Variants in RBFOX1 observed in about 807,000 individuals in gnomAD.
RBFOX1 encodes the protein RNA binding fox-1 homolog 1.
RBFOX1 carries 8 observed loss-of-function variants against 57.7 expected under a neutral mutation model. That is an observed-to-expected ratio of 0.14 (90% confidence interval 0.08 to 0.25). RBFOX1 has a LOEUF of 0.25. RBFOX1 is among the 10% of genes least tolerant of loss of function. The pLI is 1.00. For synonymous variants in RBFOX1, 326 were observed against 222.4 expected, an observed-to-expected ratio of 1.47 and a Z score of -4.15; for missense variants, 611 against 548.5, an observed-to-expected ratio of 1.11 and a Z score of -1.14.
At chr16:6,216,720 TTTTG>T (rs746631288) in intron 1 of RBFOX1, among the ~76,000 whole-genome samples, 1 of 152,214 alleles carries the variant, frequency 6.6e-6, no homozygotes, top group South Asian at 2.1e-4. Flanking sequence ...CTGATCCCAC[TTTTG>T]TTTGTCTCTT....
At chr16:7,323,203 C>T (rs192242432) in intron 4 of RBFOX1, among the ~76,000 whole-genome samples, 1 of 152,228 alleles carries the variant, frequency 6.6e-6, no homozygotes, top group Admixed American at 6.5e-5. Context: ...TTGGGAGGAT[C>T]ACTTGATCCC....
At chr16:7,213,246 C>G (rs967746826) in intron 4 of RBFOX1, among the ~76,000 whole-genome samples, 12 of 152,204 alleles carry the variant, frequency 7.9e-5, no homozygotes, top group Admixed American at 7.2e-4. Flanking sequence ...AGTTTTTCCC[C>G]CTTTATCAGT....
chr16:6,766,788 C>A (rs181466321), intron 3 of RBFOX1, among the ~76,000 whole-genome samples: 14 of 152,134 alleles, frequency 9.2e-5, no homozygotes, highest in Admixed American at 7.9e-4. Flanking sequence ...TTCATATGGG[C>A]TTCCGTTAGT....
At chr16:7,098,430 A>G (rs1179598045) in intron 4 of RBFOX1, among the ~76,000 whole-genome samples, 3 of 152,126 alleles carry the variant, frequency 2.0e-5, no homozygotes, top group Non-Finnish European at 2.9e-5. Context: ...TAGGCCTCCC[A>G]AAGTGCTGAG....
rs763479891 is a variant in RBFOX1, at chr16:5,834,730, G to GATACATACATAC, written c.319-32546_319-32535dup. On this transcript the variant is annotated intron_variant, in intron 3 of 19. Transcript: ENST00000641259. ...AGATAGATAGATACATAGATACATA[G>GATACATACATAC]ATACATACATACATACATACATACA... 3.3e-4 allele frequency among the ~76,000 whole-genome samples: 48 copies of GATACATACATAC among 146,412 alleles called. 1 individual carries two copies. Among genetic ancestry groups the GATACATACATAC allele is most frequent in the South Asian group, 1.3e-3 (6 of 4,602 alleles).
At chr16:5,317,910 A>G (rs1191562534) in intron 1 of RBFOX1, among the ~76,000 whole-genome samples, 1 of 152,082 alleles carries the variant, frequency 6.6e-6, no homozygotes, top group Non-Finnish European at 1.5e-5. Context: ...GAAACTCTAT[A>G]TCCTAAGCAA....
intron 1 of RBFOX1, among the ~76,000 whole-genome samples, chr16:6,143,864 C>T (rs2096737424): frequency 6.6e-6 from 1 of 151,938 alleles, no homozygotes; most frequent in African/African-American, 2.4e-5. Context: ...GGTGCATTCA[C>T]TGCTCACTGC....
chr16:7,232,667 C>T (rs1266469798), intron 4 of RBFOX1, among the ~76,000 whole-genome samples: 2 of 151,928 alleles, frequency 1.3e-5, no homozygotes, highest in African/African-American at 4.8e-5. Context: ...CATGGAGAAA[C>T]CCTGTCTCTA....
At chr16:7,548,967 C>T (rs1483693456) in intron 5 of RBFOX1, among the ~76,000 whole-genome samples, 1 of 152,196 alleles carries the variant, frequency 6.6e-6, no homozygotes, top group Non-Finnish European at 1.5e-5. Context: ...CATCCCAGAG[C>T]TCACATTCCA....
chr16:6,377,466 C>A, intron 2 of RBFOX1, among the ~76,000 whole-genome samples: 1 of 152,102 alleles, frequency 6.6e-6, no homozygotes, highest in Admixed American at 6.6e-5. Context: ...AGGCAGTACA[C>A]ATTTATTGAA....
At chr16:7,221,598 C>T (rs1191300270) in intron 4 of RBFOX1, among the ~76,000 whole-genome samples, 1 of 152,148 alleles carries the variant, frequency 6.6e-6, no homozygotes, top group Admixed American at 6.5e-5. Flanking sequence ...AACTCCTGAC[C>T]TCAGGTGATC....
At chr16:5,493,666 C>G (rs1415151559) in intron 2 of RBFOX1, among the ~76,000 whole-genome samples, 1 of 152,204 alleles carries the variant, frequency 6.6e-6, no homozygotes, top group Non-Finnish European at 1.5e-5. Flanking sequence ...ATGGAGTAGC[C>G]TGGGATTCTC....
chr16:5,599,121 G>C lies in RBFOX1; in HGVS notation c.478G>C (p.Ala160Pro), dbSNP rs549560426. ...GTTTGAGGGGAATAAATTTTCCAGAGCACTTGCACAATTTCTATCACTTGG... is the reference window on the plus strand; with the variant it reads ...GTTTGAGGGGAATAAATTTTCCAGACCACTTGCACAATTTCTATCACTTGG... Residue 160 changes from alanine (A) to proline (P), a missense_variant, in exon 3 of 3, where the codon GCA (alanine) becomes CCA (proline). Physicochemically the swap from Ala to Pro is conservative, Grantham distance 27. Coordinates refer to the RBFOX1 transcript ENST00000585867. 2.3e-4 allele frequency: 170 copies of C among 735,400 alleles called. 1 individual carries two copies. The African/African-American group carries it at 3.2e-3, about 14-fold the overall frequency. The allele number at this position is 735,400 out of a possible 1,614,324, so 45.6% of individuals were successfully genotyped here.
At chr16:6,625,208 G>C (rs1290176036) in intron 2 of RBFOX1, among the ~76,000 whole-genome samples, 2 of 150,962 alleles carry the variant, frequency 1.3e-5, no homozygotes. Flanking sequence ...GATAGTGGGG[G>C]AGTGGCACAC....
intron 1 of RBFOX1, among the ~76,000 whole-genome samples, chr16:6,312,194 A>G (rs2080406040): frequency 6.6e-6 from 1 of 152,154 alleles, no homozygotes; most frequent in Non-Finnish European, 1.5e-5. Context: ...CATGTTTCTT[A>G]CACAGCACAG....
intron 4 of RBFOX1, among the ~76,000 whole-genome samples, chr16:5,969,416 A>G (rs1228543018): frequency 7.3e-6 from 1 of 137,206 alleles, no homozygotes; most frequent in Non-Finnish European, 1.5e-5. Flanking sequence ...GGTTCAAGCG[A>G]TTCTCCTGCC....
chr16:6,910,307 T>C (rs560058441), intron 3 of RBFOX1, among the ~76,000 whole-genome samples: 1 of 152,058 alleles, frequency 6.6e-6, no homozygotes, highest in South Asian at 2.1e-4. Context: ...CAGAGAATCT[T>C]TTTAGGGGCA....
chr16:6,816,986 G>A (rs191120048), intron 3 of RBFOX1, among the ~76,000 whole-genome samples: 77 of 152,112 alleles, frequency 5.1e-4, no homozygotes, highest in African/African-American at 1.8e-3. Context: ...GTGCTCAAGC[G>A]ATCCCACTGC....
At chr16:5,469,295 A>T (rs760338413) in intron 2 of RBFOX1, among the ~76,000 whole-genome samples, 3 of 152,138 alleles carry the variant, frequency 2.0e-5, no homozygotes, top group Non-Finnish European at 2.9e-5. Flanking sequence ...CATGTAGACA[A>T]GTCATTTCAG....
Sources: allele counts gnomAD v4.1 joint callset (sites outside exome capture counted in the v4.1 genomes callset), GRCh38; gene constraint gnomAD v4.1.1; transcripts MANE v1.5; gene names NCBI Gene and HGNC (gene_info 2026-07-23, HGNC 2026-07-21).